Variants in ATP11A observed in about 807,000 individuals in gnomAD.
The protein encoded by ATP11A is phospholipid-transporting ATPase IH.
Under a neutral mutation model 154.4 loss-of-function variants are expected in ATP11A, and 81 were observed. The ratio of observed to expected loss-of-function variants is 0.52; its 90% CI spans 0.44 to 0.63. The LOEUF is 0.63. Ranked by LOEUF, ATP11A falls within the 30% of genes least tolerant of loss-of-function variation. ATP11A has a pLI of 0.00. For missense variants in ATP11A, 1,316 were observed against 1,474.3 expected (o/e 0.89, Z 1.76); for synonymous variants, 623 against 585.9 (o/e 1.06, Z -0.91).
chr13:112,783,074 G>A lies in ATP11A; in HGVS notation c.40-2061G>A, dbSNP rs2140017014. Among the ~76,000 whole-genome samples, 5 of 152,300 alleles carry A rather than the reference G, an allele frequency of 3.3e-5. No homozygotes were observed. The Middle Eastern group carries it at 0.017, about 518-fold the overall frequency. ...AGTCCTAATAAAAGAAATTGCAGGT[G>A]AATTACCGATGGAATTTATTAAAGC... On this transcript the variant is annotated intron_variant, in intron 1 of 29. Coordinates refer to ENST00000375645, the MANE Select transcript of ATP11A (RefSeq NM_015205.3).
At chr13:112,762,875 C>T (rs2076994650) in intron 1 of ATP11A, among the ~76,000 whole-genome samples, 2 of 152,262 alleles carry the variant, frequency 1.3e-5, no homozygotes, top group Admixed American at 6.5e-5. Context: ...GAGCACAGGC[C>T]TTCCTCGCCG....
intron 12 of ATP11A, among the ~76,000 whole-genome samples, chr13:112,828,932 G>A (rs910468199): frequency 8.5e-5 from 13 of 152,210 alleles, no homozygotes; most frequent in African/African-American, 3.1e-4. Flanking sequence ...CCAGTCAAGC[G>A]TCTGTGTCCA....
chr13:112,739,195 A>G (rs1891290171), intron 1 of ATP11A, among the ~76,000 whole-genome samples: 1 of 152,194 alleles, frequency 6.6e-6, no homozygotes. Context: ...AATCCACAGA[A>G]TGGGAGAGAA....
rs528673737 is a variant in ATP11A at position 112,834,567 on chromosome 13, G to A, written c.1560-22G>A. On this transcript the variant is annotated intron_variant, in intron 14 of 29. Coordinates refer to ENST00000375645, the MANE Select transcript of ATP11A (RefSeq NM_015205.3). ...AACATCAGAATCTCAGATTCACCCC[G>A]AGGTTTCCCTTCTCATTGCAGACTT... The A allele has an allele frequency of 9.7e-6, 15 of 1,551,742 alleles. No homozygotes were observed. The East Asian group carries it at 2.5e-4, about 26-fold the overall frequency.
At chr13:112,863,443 C>A (rs1594212540) in intron 25 of ATP11A, among the ~76,000 whole-genome samples, 2 of 149,666 alleles carry the variant, frequency 1.3e-5, no homozygotes, top group African/African-American at 4.9e-5. Flanking sequence ...AGCTTCCCAG[C>A]GGGGTCCATC....
intron 27 of ATP11A, among the ~76,000 whole-genome samples, chr13:112,874,683 C>T (rs1317651020): frequency 6.6e-6 from 1 of 152,184 alleles, no homozygotes; most frequent in African/African-American, 2.4e-5. Flanking sequence ...TCTCGTTCAG[C>T]CAGCGGCCCC....
chr13:112,786,978 C>T (rs938638429), intron 2 of ATP11A, among the ~76,000 whole-genome samples: 86 of 145,012 alleles, frequency 5.9e-4, no homozygotes, highest in African/African-American at 1.9e-3. Flanking sequence ...TGTCCTGATG[C>T]GTAGACCCCT....
chr13:112,763,795 C>T (rs2077014772), intron 1 of ATP11A, among the ~76,000 whole-genome samples: 1 of 152,182 alleles, frequency 6.6e-6, no homozygotes, highest in Non-Finnish European at 1.5e-5. Flanking sequence ...GGAGGCTCCC[C>T]CACCCCCTGC....
At position 112,696,075 on chromosome 13, in the gene ATP11A, C is replaced by G. The variant is rs1885763281; in HGVS notation, c.39+5620C>G. Reference sequence around the variant, plus strand: ...CCGTCTCGGCTGACGGCTGCGTGGCCTTGGCAAGTTGGTTGCCCCCTGTAC... The same window carrying G: ...CCGTCTCGGCTGACGGCTGCGTGGCGTTGGCAAGTTGGTTGCCCCCTGTAC... On this transcript the variant is annotated intron_variant, in intron 1 of 29. Coordinates refer to ENST00000375645, the MANE Select transcript of ATP11A (RefSeq NM_015205.3). This position sits in a 1 kb window ranked among gnomAD's most constrained non-coding sequence, Gnocchi z 6.2. Among the ~76,000 whole-genome samples, 2 of 152,312 alleles carry G rather than the reference C, an allele frequency of 1.3e-5. No individual in the cohort carries two copies. Among genetic ancestry groups the G allele is most frequent in the South Asian group, 2.1e-4 (1 of 4,828 alleles).
intron 10 of ATP11A, 23 bp from the exon 11 acceptor site, chr13:112,825,407 T>C (rs2078907118): frequency 6.3e-7 from 1 of 1,584,520 alleles, no homozygotes. Context: ...GGACCAGTGA[T>C]CACCTCTGTC....
chr13:112,717,405 G>GT (rs1400140774), intron 1 of ATP11A: 1 of 152,186 alleles, frequency 6.6e-6, no homozygotes, highest in African/African-American at 2.4e-5. Context: ...TGAGAGGGTT[G>GT]TTCAAGAGGG....
chr13:112,793,002 C>A (rs949047912), intron 2 of ATP11A, among the ~76,000 whole-genome samples: 1 of 152,204 alleles, frequency 6.6e-6, no homozygotes. Flanking sequence ...TTCATGACTT[C>A]TATTTGTATA....
intron 25 of ATP11A, among the ~76,000 whole-genome samples, chr13:112,868,802 G>A (rs561386836): frequency 2.6e-5 from 4 of 152,202 alleles, no homozygotes; most frequent in Admixed American, 6.5e-5. Flanking sequence ...AGGTTTAATC[G>A]AGCCACAGTT....
At chr13:112,786,676 A>G (rs61963786) in intron 2 of ATP11A, among the ~76,000 whole-genome samples, 5,342 of 83,944 alleles carry the variant, frequency 0.064, 2 homozygotes, top group Middle Eastern at 0.23. Context: ...ACGTGCCTGC[A>G]TTCAGACTCC....
At chr13:112,809,174 T>G (rs567382106) in intron 4 of ATP11A, among the ~76,000 whole-genome samples, 1 of 152,216 alleles carries the variant, frequency 6.6e-6, no homozygotes, top group African/African-American at 2.4e-5. Flanking sequence ...AACCCAGGAA[T>G]CATCTACCCA....
chr13:112,806,695 T>G (rs1295712989), intron 4 of ATP11A, among the ~76,000 whole-genome samples: 3 of 151,784 alleles, frequency 2.0e-5, no homozygotes, highest in Non-Finnish European at 4.4e-5. Context: ...ATAGCCCCAG[T>G]AAATAAGGCC....
chr13:112,877,094 G>A (rs914594441), intron 28 of ATP11A, among the ~76,000 whole-genome samples: 2 of 152,228 alleles, frequency 1.3e-5, no homozygotes, highest in Non-Finnish European at 2.9e-5. Context: ...TCAATGTAGT[G>A]AAAATGTCCA....
chr13:112,820,605 G>A (rs918141588), intron 8 of ATP11A, among the ~76,000 whole-genome samples: 1 of 152,198 alleles, frequency 6.6e-6, no homozygotes, highest in African/African-American at 2.4e-5. Context: ...CCTGTGCTGA[G>A]CCCAGCTCTG....
intron 1 of ATP11A, among the ~76,000 whole-genome samples, chr13:112,714,425 C>T (rs1358045618): frequency 6.6e-6 from 1 of 152,076 alleles, no homozygotes; most frequent in Non-Finnish European, 1.5e-5. Context: ...CGTCAGGGAG[C>T]GGTGTGGAGG....
Sources: gnomAD v4.1 joint callset for allele counts (sites outside exome capture counted in the v4.1 genomes callset) on GRCh38, gnomAD v4.1.1 for gene constraint, Gnocchi (gnomAD v3.1) non-coding constraint, MANE v1.5 for transcripts, NCBI Gene and HGNC (gene_info 2026-07-23, HGNC 2026-07-21) for gene names.